HERC3: variants seen among roughly 807,000 people sequenced by gnomAD.
HERC3 encodes HECT and RLD domain containing E3 ubiquitin protein ligase 3, also known as probable E3 ubiquitin-protein ligase HERC3.
Under a neutral mutation model 129.9 loss-of-function variants are expected in HERC3, and 58 were observed. The observed-to-expected ratio is 0.45, with a 90% CI of 0.36 to 0.56. The LOEUF is 0.56. HERC3 is among the 20% of genes least tolerant of loss of function. The pLI is 0.00. For missense variants in HERC3, 835 were observed against 1,244.2 expected (o/e 0.67, Z 4.95); for synonymous variants, 430 against 451.0 (o/e 0.95, Z 0.59).
chr4:88,580,612 C>T, the HERC3 span, among the ~76,000 whole-genome samples: 1 of 152,068 alleles, frequency 6.6e-6, no homozygotes, highest in Admixed American at 6.6e-5. Context: ...GAGTAGGCAC[C>T]CAAAATCAAG....
chr4:88,688,690 T>G (rs1733736850), intron 23 of HERC3, among the ~76,000 whole-genome samples: 1 of 152,208 alleles, frequency 6.6e-6, no homozygotes, highest in Non-Finnish European at 1.5e-5. Context: ...AGCAGAAAAT[T>G]TATATATCTC....
intron 16 of HERC3, among the ~76,000 whole-genome samples, chr4:88,672,429 T>C (rs1395796644): frequency 6.6e-6 from 1 of 152,234 alleles, no homozygotes; most frequent in Non-Finnish European, 1.5e-5. Context: ...TGTGGAATTT[T>C]TTTTATTGTA....
intron 18 of HERC3, 105 bp downstream of exon 18, chr4:88,676,528 C>T: frequency 1.3e-6 from 1 of 793,148 alleles, no homozygotes; most frequent in Non-Finnish European, 2.1e-6. Context: ...GGTTGAAATT[C>T]CATTGTAATT....
At chr4:88,631,379 C>T (rs1199369929) in intron 3 of HERC3, among the ~76,000 whole-genome samples, 1 of 152,152 alleles carries the variant, frequency 6.6e-6, no homozygotes, top group Non-Finnish European at 1.5e-5. Context: ...CACTTGAACC[C>T]AGGAGGCAGA....
At chr4:88,644,891 T>C (rs982277189) in intron 3 of HERC3, among the ~76,000 whole-genome samples, 7 of 151,934 alleles carry the variant, frequency 4.6e-5, no homozygotes, top group African/African-American at 1.7e-4. Context: ...AATTAAGAAA[T>C]AAATTGGAAT....
chr4:88,641,484 G>C (rs1394696523), intron 3 of HERC3, among the ~76,000 whole-genome samples: 2 of 152,166 alleles, frequency 1.3e-5, no homozygotes, highest in Admixed American at 6.5e-5. Context: ...ATTGAAGATA[G>C]AAGAACAATA....
chr4:88,541,836 C>T, the HERC3 span, among the ~76,000 whole-genome samples: 1 of 152,150 alleles, frequency 6.6e-6, no homozygotes, highest in Non-Finnish European at 1.5e-5. Flanking sequence ...CAACCTGCTC[C>T]TGAATGACTA....
intron 2 of HERC3, among the ~76,000 whole-genome samples, chr4:88,603,561 G>C (rs183053784): frequency 1.3e-5 from 2 of 152,084 alleles, no homozygotes; most frequent in Non-Finnish European, 2.9e-5. Context: ...GTTTTATAAG[G>C]CATGCTTGGG....
intron 2 of HERC3, among the ~76,000 whole-genome samples, chr4:88,596,630 C>A (rs978145886): frequency 6.6e-6 from 1 of 152,242 alleles, no homozygotes; most frequent in Non-Finnish European, 1.5e-5. Context: ...AGCAGCCATA[C>A]TGCCTCAACA....
the HERC3 span, among the ~76,000 whole-genome samples, chr4:88,564,785 TCTTTTCTA>T: frequency 6.6e-6 from 1 of 152,146 alleles, no homozygotes. Flanking sequence ...TTTGGGTTGC[TCTTTTCTA>T]CTTCTTTAAG....
At chr4:88,551,191 A>G in the HERC3 span, among the ~76,000 whole-genome samples, 1 of 152,202 alleles carries the variant, frequency 6.6e-6, no homozygotes, top group African/African-American at 2.4e-5. Context: ...CCTGGAAGAA[A>G]ACCTAGGCAT....
intron 14 of HERC3, among the ~76,000 whole-genome samples, chr4:88,668,900 G>A (rs1298723707): frequency 6.6e-6 from 1 of 152,122 alleles, no homozygotes; most frequent in Non-Finnish European, 1.5e-5. Flanking sequence ...GTAAATGTTA[G>A]TACTTAATTT....
chr4:88,678,193 G>C lies in HERC3; in HGVS notation c.2196+59G>C, dbSNP rs1405171276. Reference sequence around the variant, plus strand: ...TCGCAATTTTTCTTTGAACAGTGTTGATTAAGCAGCAGTGATCTTATTAAA... The same window carrying C: ...TCGCAATTTTTCTTTGAACAGTGTTCATTAAGCAGCAGTGATCTTATTAAA... On this transcript the variant is annotated intron_variant, in intron 19 of 25. Transcript: ENST00000402738. 6.1e-6 allele frequency: 9 copies of C among 1,468,012 alleles called. No individual in the cohort carries two copies. The Admixed American group carries it at 8.4e-5, about 14-fold the overall frequency. 90.9% of individuals were successfully genotyped at this position (1,468,012 alleles called of 1,614,324 possible). A position where few individuals can be genotyped will look rare whatever the true frequency, so the allele number is the denominator to read the frequency against.
intron 3 of HERC3, among the ~76,000 whole-genome samples, chr4:88,633,697 T>G (rs1727024586): frequency 6.6e-6 from 1 of 150,956 alleles, no homozygotes; most frequent in African/African-American, 2.5e-5. Context: ...ATAGAAATAG[T>G]CTAAACAAAA....
At chr4:88,614,813 A>G (rs1004739127) in intron 3 of HERC3, among the ~76,000 whole-genome samples, 1 of 152,220 alleles carries the variant, frequency 6.6e-6, no homozygotes, top group Non-Finnish European at 1.5e-5. Flanking sequence ...CTCTTACAAC[A>G]CAACAAATTA....
intron 2 of HERC3, among the ~76,000 whole-genome samples, chr4:88,597,462 G>T (rs76307619): frequency 0.02 from 3,003 of 152,284 alleles, 91 homozygotes; most frequent in African/African-American, 0.068. Context: ...GCCCAGCAGT[G>T]AAATTACTGT....
intron 10 of HERC3, among the ~76,000 whole-genome samples, chr4:88,662,124 A>T (rs1164692812): frequency 2.0e-5 from 3 of 152,162 alleles, no homozygotes; most frequent in Non-Finnish European, 2.9e-5. Flanking sequence ...TCCCATGAGG[A>T]GCACTGAAGT....
At position 88,671,111 on chromosome 4, in the gene HERC3, A is replaced by G. The variant is rs192360830; in HGVS notation, c.1911+859A>G. ...TCCTGCCTACCACCTCTGGCGTGGCAGGAACTGCTCCTTTTGATAGCACAC... is the reference window on the plus strand; with the variant it reads ...TCCTGCCTACCACCTCTGGCGTGGCGGGAACTGCTCCTTTTGATAGCACAC... On this transcript the variant is annotated intron_variant, in intron 16 of 25. Transcript: ENST00000402738. Among the ~76,000 whole-genome samples, 40 of 152,262 alleles carry G rather than the reference A, an allele frequency of 2.6e-4. No individual in the cohort carries two copies. The East Asian group carries it at 6.8e-3, about 26-fold the overall frequency.
chr4:88,613,395 T>C (rs1182882434), intron 3 of HERC3, among the ~76,000 whole-genome samples: 1 of 152,252 alleles, frequency 6.6e-6, no homozygotes, highest in Non-Finnish European at 1.5e-5. Flanking sequence ...TTGTATTCAG[T>C]CTAAGCATTT....
Sources: allele counts gnomAD v4.1 joint callset (sites outside exome capture counted in the v4.1 genomes callset), GRCh38; gene constraint gnomAD v4.1.1; transcripts MANE v1.5; gene names NCBI Gene and HGNC (gene_info 2026-07-23, HGNC 2026-07-21).